The following MAPK10 variants were observed in gnomAD, a reference collection of about 807,000 sequenced individuals.
MAPK10 encodes the protein mitogen-activated protein kinase 10.
A neutral mutation model predicts 59.3 loss-of-function variants in MAPK10; 25 were observed. The ratio of observed to expected loss-of-function variants is 0.42; its 90% confidence interval spans 0.31 to 0.59. The LOEUF (loss-of-function observed/expected upper bound fraction) is 0.59. MAPK10 is among the 20% of genes least tolerant of loss of function. The pLI, the probability that MAPK10 is intolerant of heterozygous loss-of-function variation, is 0.15. For missense variants in MAPK10, 351 were observed against 568.9 expected, an observed-to-expected ratio of 0.62 and a Z score of 3.90; for synonymous variants, 190 against 200.5, an observed-to-expected ratio of 0.95 and a Z score of 0.44.
chr4:86,156,932 C>T (rs1204867818), intron 4 of MAPK10, among the ~76,000 whole-genome samples: 1 of 152,014 alleles, frequency 6.6e-6, no homozygotes, highest in African/African-American at 2.4e-5. Flanking sequence ...CAGAATAATT[C>T]TCATTGTTTC....
chr4:86,171,414 A>T lies in MAPK10; in HGVS notation c.67-11947T>A, dbSNP rs956362962. ...ATGGAACAGAACAGAGCCCTCAGAAATAACGCTGCATATCTACAACTATCT... is the reference window on the plus strand; with the variant it reads ...ATGGAACAGAACAGAGCCCTCAGAATTAACGCTGCATATCTACAACTATCT... On this transcript the variant is annotated intron_variant, in intron 3 of 13. Coordinates refer to ENST00000641462, the MANE Select transcript of MAPK10 (RefSeq NM_138982.4). Among the ~76,000 whole-genome samples, 3 of 152,036 alleles carry T rather than the reference A, an allele frequency of 2.0e-5. 1 individual carries two copies. Among genetic ancestry groups the T allele is most frequent in the African/African-American group, 7.3e-5 (3 of 41,326 alleles).
intron 1 of MAPK10, among the ~76,000 whole-genome samples, chr4:86,516,691 T>C (rs1247352880): frequency 6.6e-6 from 1 of 152,132 alleles, no homozygotes; most frequent in Non-Finnish European, 1.5e-5. Context: ...GTAAAAGGGG[T>C]TGCATTCTTG....
At chr4:86,249,836 A>G (rs2093324830) in intron 2 of MAPK10, among the ~76,000 whole-genome samples, 2 of 152,186 alleles carry the variant, frequency 1.3e-5, no homozygotes, top group Non-Finnish European at 2.9e-5. Context: ...GCTTATACCT[A>G]TGAGAGCAAA....
chr4:86,375,759 ATTCTGT>A (rs1221812931), intron 1 of MAPK10, among the ~76,000 whole-genome samples: 2 of 148,826 alleles, frequency 1.3e-5, no homozygotes, highest in Non-Finnish European at 3.0e-5. Context: ...TGGAAAGAAG[ATTCTGT>A]TTCTAATAAA....
intron 4 of MAPK10, among the ~76,000 whole-genome samples, chr4:86,142,759 T>C (rs934476562): frequency 3.9e-5 from 6 of 152,132 alleles, no homozygotes; most frequent in Non-Finnish European, 5.9e-5. Context: ...GATCCAGAAA[T>C]GGAAGATTTG....
At chr4:86,085,586 A>G (rs2051618083) in intron 9 of MAPK10, among the ~76,000 whole-genome samples, 1 of 152,164 alleles carries the variant, frequency 6.6e-6, no homozygotes, top group Non-Finnish European at 1.5e-5. Context: ...ATATCCAAAA[A>G]CAGGCAACAA....
intron 4 of MAPK10, among the ~76,000 whole-genome samples, chr4:86,150,632 C>T (rs141371602): frequency 0.024 from 3,584 of 152,116 alleles, 145 homozygotes; most frequent in African/African-American, 0.081. Flanking sequence ...GAGGCCGAGA[C>T]GGGCAGATCA....
intron 1 of MAPK10, among the ~76,000 whole-genome samples, chr4:86,399,078 G>A (rs1242725168): frequency 6.6e-6 from 1 of 152,164 alleles, no homozygotes; most frequent in Non-Finnish European, 1.5e-5. Flanking sequence ...ACATGCGTAT[G>A]TCTTTTTGGT....
At chr4:86,390,797 G>A (rs1258967057) in intron 1 of MAPK10, among the ~76,000 whole-genome samples, 2 of 152,168 alleles carry the variant, frequency 1.3e-5, no homozygotes, top group Non-Finnish European at 2.9e-5. Flanking sequence ...AGTGGATCAT[G>A]AATGCTAAGG....
intron 11 of MAPK10, among the ~76,000 whole-genome samples, chr4:86,046,168 T>C (rs1191419367): frequency 2.0e-5 from 3 of 151,800 alleles, no homozygotes; most frequent in Admixed American, 6.6e-5. Flanking sequence ...TCCTGAGACT[T>C]TGCTGAAGTT....
At chr4:86,151,312 C>G (rs1158897917) in intron 4 of MAPK10, among the ~76,000 whole-genome samples, 2 of 152,134 alleles carry the variant, frequency 1.3e-5, no homozygotes, top group African/African-American at 4.8e-5. Context: ...GAATTGGGAG[C>G]TTTCATGAAA....
chr4:86,572,513 C>G (rs781404679), intron 1 of MAPK10, among the ~76,000 whole-genome samples: 1 of 152,310 alleles, frequency 6.6e-6, no homozygotes, highest in South Asian at 2.1e-4. Flanking sequence ...ATCTCCAACA[C>G]TATATGCAAA....
At chr4:86,136,413 G>A (rs1042589656) in intron 4 of MAPK10, among the ~76,000 whole-genome samples, 2 of 151,944 alleles carry the variant, frequency 1.3e-5, no homozygotes, top group Non-Finnish European at 2.9e-5. Context: ...TTTCAACCCA[G>A]AACTTCATAT....
intron 1 of MAPK10, among the ~76,000 whole-genome samples, chr4:86,390,770 C>T (rs1019419191): frequency 1.2e-4 from 19 of 152,178 alleles, no homozygotes; most frequent in African/African-American, 4.1e-4. Flanking sequence ...CACATCCAAT[C>T]GTGAAGGTCT....
At chr4:86,134,728 G>A (rs1213363464) in intron 4 of MAPK10, among the ~76,000 whole-genome samples, 2 of 152,228 alleles carry the variant, frequency 1.3e-5, no homozygotes, top group African/African-American at 2.4e-5. Flanking sequence ...CTCCCAGCGT[G>A]AGCGACACAG....
chr4:86,396,447 T>A (rs1384627781), intron 1 of MAPK10, among the ~76,000 whole-genome samples: 1 of 152,194 alleles, frequency 6.6e-6, no homozygotes, highest in Non-Finnish European at 1.5e-5. Flanking sequence ...GCACTTCAAA[T>A]GGGGATAGTC....
chr4:86,152,318 G>A (rs1023289918), intron 4 of MAPK10: 1 of 147,862 alleles, frequency 6.8e-6, no homozygotes, highest in African/African-American at 2.6e-5. Context: ...AGAACCCTAA[G>A]GTACATGTAT....
rs1467784253 is a variant in MAPK10, at chr4:86,011,941, T to G, written c.*5287A>C. 11 of 152,194 alleles carry G rather than the reference T, an allele frequency of 7.2e-5. No homozygotes were observed. The highest frequency in any genetic ancestry group is 2.7e-4 in the African/African-American group (11 of 41,444). 9.4% of individuals were successfully genotyped at this position (152,194 alleles called of 1,614,324 possible). Reference sequence around the variant, plus strand: ...GTGACCTCTTCATCCAGCCACAAAATCATATATATTTTTAATTCTCCAAGG... The same window carrying G: ...GTGACCTCTTCATCCAGCCACAAAAGCATATATATTTTTAATTCTCCAAGG... On this transcript the variant is annotated 3_prime_UTR_variant, in exon 14 of 14. Coordinates refer to ENST00000641462, the MANE Select transcript of MAPK10 (RefSeq NM_138982.4).
chr4:86,095,008 GAAAA>G (rs2053964625), intron 9 of MAPK10: 2 of 151,836 alleles, frequency 1.3e-5, no homozygotes, highest in African/African-American at 4.8e-5. Flanking sequence ...AAACTATAGT[GAAAA>G]TTAAGTGTAT....
Sources: gnomAD v4.1 joint callset for allele counts (sites outside exome capture counted in the v4.1 genomes callset) on GRCh38, gnomAD v4.1.1 for gene constraint, MANE v1.5 for transcripts, NCBI Gene and HGNC (gene_info 2026-07-23, HGNC 2026-07-21) for gene names.